KIF13A: variants seen among roughly 807,000 people sequenced by gnomAD.
KIF13A encodes kinesin family member 13A, also known as kinesin-like protein KIF13A.
Under a neutral mutation model 212.2 loss-of-function variants are expected in KIF13A, and 79 were observed. That is an observed-to-expected ratio of 0.37 (90% CI 0.31 to 0.45). The LOEUF (loss-of-function observed/expected upper bound fraction) is 0.45, where lower values mean the gene tolerates loss of function less well. KIF13A is among the 20% of genes least tolerant of loss of function. The pLI is 1.00. For missense variants in KIF13A, 1,901 were observed against 2,209.0 expected (o/e 0.86, Z 2.79); for synonymous variants, 789 against 808.6 (o/e 0.98, Z 0.41).
chr6:17,958,851 A>G (rs1311586980), intron 2 of KIF13A, among the ~76,000 whole-genome samples: 1 of 150,928 alleles, frequency 6.6e-6, no homozygotes, highest in Non-Finnish European at 1.5e-5. Context: ...TGACAATGCT[A>G]ACATTTGTGT....
chr6:17,887,588 T>G (rs1771660036), intron 3 of KIF13A, among the ~76,000 whole-genome samples: 1 of 152,204 alleles, frequency 6.6e-6, no homozygotes, highest in Non-Finnish European at 1.5e-5. Context: ...ATTCTCCCAG[T>G]TTTTTAAAAC....
In KIF13A at chr6:17,789,662, G is replaced by A. The variant is rs1761366631; in HGVS notation, c.3261+210C>T. On this transcript the variant is annotated intron_variant, in intron 26 of 38. Transcript: ENST00000259711. This position sits in a 1 kb window ranked among gnomAD's most constrained non-coding sequence, Gnocchi z 4.8. The stretch of plus-strand genomic sequence containing the variant: ...GTAAATCGAGATGGCATAGCAAAAA[G>A]GCAATATTTAGTTATAAATTTTGAA... Among the ~76,000 whole-genome samples the A allele has an allele frequency of 6.6e-6, 1 of 152,154 alleles. No individual in the cohort carries two copies. Among genetic ancestry groups the A allele is most frequent in the South Asian group, 2.1e-4 (1 of 4,828 alleles).
intron 2 of KIF13A, among the ~76,000 whole-genome samples, chr6:17,958,830 T>C (rs1296985130): frequency 6.6e-6 from 1 of 151,424 alleles, no homozygotes; most frequent in Admixed American, 6.6e-5. Flanking sequence ...AATCCAATTA[T>C]AAAACCATGT....
chr6:17,970,441 A>T (rs1779717357), intron 2 of KIF13A, among the ~76,000 whole-genome samples: 1 of 152,108 alleles, frequency 6.6e-6, no homozygotes, highest in Non-Finnish European at 1.5e-5. Context: ...TGTCTCTACT[A>T]AAAATACAAA....
In KIF13A at chr6:17,888,045, C is replaced by T. The variant is rs1208684362; in HGVS notation, c.159+10123G>A. Among the ~76,000 whole-genome samples, 1 of 152,012 alleles carries T rather than the reference C, an allele frequency of 6.6e-6. No individual in the cohort carries two copies. Among genetic ancestry groups the T allele is most frequent in the African/African-American group, 2.4e-5 (1 of 41,398 alleles). On this transcript the variant is annotated intron_variant, in intron 3 of 38. Coordinates refer to ENST00000259711, the MANE Select transcript of KIF13A (RefSeq NM_022113.6). The surrounding 1 kb of genome is among the most constrained non-coding windows in gnomAD (Gnocchi z 4.8). ...CTTATCCTAAATTTCTGCACTTTGACACCCTATCCATACTTGCAGGCCTCC... is the reference window on the plus strand; with the variant it reads ...CTTATCCTAAATTTCTGCACTTTGATACCCTATCCATACTTGCAGGCCTCC...
At chr6:17,877,744 G>A (rs1770700295) in intron 3 of KIF13A, among the ~76,000 whole-genome samples, 1 of 150,836 alleles carries the variant, frequency 6.6e-6, no homozygotes, top group Admixed American at 6.6e-5. Flanking sequence ...GATCCATGGT[G>A]AATTTCAGTG....
In KIF13A at chr6:17,846,385, T is replaced by C. The variant is rs182469438; in HGVS notation, c.830+2992A>G. Among the ~76,000 whole-genome samples, 64 of 152,184 alleles carry C rather than the reference T, an allele frequency of 4.2e-4. 1 individual carries two copies. The highest frequency in any genetic ancestry group is 2.8e-3 in the Admixed American group (43 of 15,286). ...ACTCTCAGAGTGTATGAAAATGCTC[T>C]GAAAAGTATAAAGAACTCTTAAAAA... On this transcript the variant is annotated intron_variant, in intron 9 of 38. Transcript: ENST00000259711.
intron 4 of KIF13A, among the ~76,000 whole-genome samples, chr6:17,857,523 C>T (rs138422358): frequency 0.01 from 1,575 of 152,202 alleles, 20 homozygotes; most frequent in Non-Finnish European, 0.015. Flanking sequence ...CCCAGTCATG[C>T]GGAACTGTGA....
At chr6:17,804,232 C>A in intron 20 of KIF13A, 129 bp downstream of exon 20, 1 of 712,274 alleles carries the variant, frequency 1.4e-6, no homozygotes, top group South Asian at 3.0e-5. Flanking sequence ...AAAAAGAATG[C>A]AGACCTTGAC....
intron 2 of KIF13A, among the ~76,000 whole-genome samples, chr6:17,907,507 G>T (rs1381894223): frequency 6.6e-6 from 1 of 151,384 alleles, no homozygotes; most frequent in Non-Finnish European, 1.5e-5. Context: ...GAATGTGCAG[G>T]AGAAGCCTAC....
intron 2 of KIF13A, among the ~76,000 whole-genome samples, chr6:17,974,381 A>G (rs1338854183): frequency 6.6e-6 from 1 of 152,116 alleles, no homozygotes; most frequent in Non-Finnish European, 1.5e-5. Context: ...CCCGGCGGGA[A>G]CCTCGTTTAC....
intron 2 of KIF13A, among the ~76,000 whole-genome samples, chr6:17,904,240 G>T (rs1773300804): frequency 6.6e-6 from 1 of 152,122 alleles, no homozygotes; most frequent in Non-Finnish European, 1.5e-5. Context: ...GGCTGAGGTG[G>T]GTGGATCACT....
In KIF13A at chr6:17,825,877, C is replaced by T. The variant is rs79884092; in HGVS notation, c.1677G>A (p.Thr559=). 2,206 of 1,614,008 alleles carry T rather than the reference C, an allele frequency of 1.4e-3. 23 individuals carry two copies. The African/African-American group carries it at 0.021, about 16-fold the overall frequency. Residue 559 remains threonine (T), a synonymous_variant, in exon 16 of 39, where the codon ACG becomes ACA. Transcript: ENST00000259711. The surrounding 1 kb of genome is among the most constrained non-coding windows in gnomAD (Gnocchi z 4.5). ...RDWLKDFEKE[T]GPPEHDLDAA... is the part of the protein sequence containing the mutation. ...CATCCAGGTCATGCTCTGGCGGGCC[C>T]GTTTCTTTTTCAAAGTCTTTCAACC...
rs1020261111 is a variant in KIF13A, at chr6:17,919,161, G to A, written c.147-20981C>T. On this transcript the variant is annotated intron_variant, in intron 2 of 38. Transcript: ENST00000259711. The surrounding 1 kb of genome is among the most constrained non-coding windows in gnomAD (Gnocchi z 4.1). ...TGAAGACCAAGTAAACATACATATA[G>A]TGCTGTGTTTTTACAAATGCTTTAA... Among the ~76,000 whole-genome samples the A allele has an allele frequency of 1.3e-5, 2 of 152,156 alleles. No individual in the cohort carries two copies. Among genetic ancestry groups the A allele is most frequent in the African/African-American group, 2.4e-5 (1 of 41,434 alleles).
intron 28 of KIF13A, among the ~76,000 whole-genome samples, chr6:17,784,725 G>A (rs1464489932): frequency 6.6e-6 from 1 of 152,124 alleles, no homozygotes; most frequent in Non-Finnish European, 1.5e-5. Context: ...GGGGTGAGTA[G>A]GCTGTCTGTA....
chr6:17,849,957 C>T lies in KIF13A; in HGVS notation c.717+366G>A, dbSNP rs1464367934. Among the ~76,000 whole-genome samples the T allele has an allele frequency of 6.6e-6, 1 of 152,126 alleles. No individual in the cohort carries two copies. The highest frequency in any genetic ancestry group is 2.4e-5 in the African/African-American group (1 of 41,408). The stretch of plus-strand genomic sequence containing the variant: ...AAAGCTGTATGGTGATGTCATCACA[C>T]TTGTTAGGGACTTTGCACAAGAAAT... On this transcript the variant is annotated intron_variant, in intron 8 of 38. Transcript: ENST00000259711. This position sits in a 1 kb window ranked among gnomAD's most constrained non-coding sequence, Gnocchi z 5.7.
At chr6:17,985,911 T>C (rs1215234563) in intron 2 of KIF13A, among the ~76,000 whole-genome samples, 1 of 152,174 alleles carries the variant, frequency 6.6e-6, no homozygotes, top group East Asian at 1.9e-4. Flanking sequence ...GTTTGCAAAC[T>C]GGATAAAAAC....
intron 4 of KIF13A, among the ~76,000 whole-genome samples, chr6:17,858,668 T>A (rs1329131245): frequency 1.3e-5 from 2 of 152,184 alleles, no homozygotes; most frequent in Non-Finnish European, 2.9e-5. Context: ...CCCAGGCTTA[T>A]TAGGATTGCT....
intron 3 of KIF13A, among the ~76,000 whole-genome samples, chr6:17,890,557 C>A (rs1771950746): frequency 6.6e-6 from 1 of 151,954 alleles, no homozygotes; most frequent in Non-Finnish European, 1.5e-5. Context: ...TTCCTCTGCA[C>A]CACCTCCTGC....
Sources: gnomAD v4.1 joint callset for allele counts (sites outside exome capture counted in the v4.1 genomes callset) on GRCh38, gnomAD v4.1.1 for gene constraint, Gnocchi (gnomAD v3.1) non-coding constraint, MANE v1.5 for transcripts, NCBI Gene and HGNC (gene_info 2026-07-23, HGNC 2026-07-21) for gene names.